PLCXD3: variants seen among roughly 807,000 people sequenced by gnomAD.
PLCXD3 encodes PI-PLC X domain-containing protein 3.
PLCXD3 carries 19 observed loss-of-function variants against 25.5 expected under a neutral mutation model. That is an observed-to-expected ratio of 0.75 (90% CI 0.52 to 1.09). The LOEUF (loss-of-function observed/expected upper bound fraction) is 1.09, where lower values mean the gene tolerates loss of function less well. PLCXD3 is among the 50% of genes least tolerant of loss of function. The probability of loss-of-function intolerance (pLI) is 0.00; values close to 1 mark genes in which losing one functional copy is unlikely to be tolerated. For synonymous variants in PLCXD3, 174 were observed against 137.6 expected (o/e 1.26, Z -1.85); for missense variants, 411 against 388.1 (o/e 1.06, Z -0.50).
In PLCXD3 at chr5:41,499,242, T is replaced by TA. The variant is rs201570501; in HGVS notation, c.103+11181dup. Among the ~76,000 whole-genome samples, 125 of 151,704 alleles carry TA rather than the reference T, an allele frequency of 8.2e-4. 2 individuals carry two copies. In the East Asian group the frequency reaches 0.016, roughly 20 times the overall value. ...ATCTCTGTAGATAACATTTTATATG[T>TA]AAAAAACTAGATTCCAATAAATAAA... On this transcript the variant is annotated intron_variant, in intron 1 of 2. Transcript: ENST00000377801.
intron 1 of PLCXD3, among the ~76,000 whole-genome samples, chr5:41,441,198 A>T (rs1171417396): frequency 6.6e-6 from 1 of 152,250 alleles, no homozygotes; most frequent in Admixed American, 6.5e-5. Context: ...CTGAAAATAC[A>T]GTCTTAAGAA....
At chr5:41,399,177 G>T (rs1246628777) in intron 1 of PLCXD3, among the ~76,000 whole-genome samples, 7 of 152,068 alleles carry the variant, frequency 4.6e-5, no homozygotes, top group African/African-American at 1.7e-4. Flanking sequence ...ACTATAAACT[G>T]ATGAAAGAAA....
At chr5:41,338,388 G>A (rs933187316) in intron 2 of PLCXD3, among the ~76,000 whole-genome samples, 1 of 151,842 alleles carries the variant, frequency 6.6e-6, no homozygotes, top group Non-Finnish European at 1.5e-5. Context: ...TTTTTAAGTT[G>A]GGAAACAAAT....
intron 2 of PLCXD3, among the ~76,000 whole-genome samples, chr5:41,335,634 T>C (rs908308125): frequency 3.2e-4 from 48 of 152,238 alleles, no homozygotes; most frequent in African/African-American, 1.0e-3. Context: ...AATAGGTCCT[T>C]GATGGTGAGA....
At chr5:41,450,789 AACCCCATT>A (rs1205363985) in intron 1 of PLCXD3, among the ~76,000 whole-genome samples, 1 of 152,124 alleles carries the variant, frequency 6.6e-6, no homozygotes, top group Non-Finnish European at 1.5e-5. Flanking sequence ...GGGGTCACAC[AACCCCATT>A]CTCTCCTCTA....
chr5:41,492,630 G>A (rs542764207), intron 1 of PLCXD3, among the ~76,000 whole-genome samples: 356 of 152,172 alleles, frequency 2.3e-3, no homozygotes, highest in African/African-American at 7.9e-3. Flanking sequence ...GGCTTTGTTC[G>A]TTTCTTTTTA....
rs188034247 is a variant in PLCXD3, at chr5:41,408,473, G to A, written c.104-25939C>T. Reference sequence around the variant, plus strand: ...TCTGATCTGAGTTGTGATTATATGAGGACATTCTAAGTTTTGGGAGATGTC... The same window carrying A: ...TCTGATCTGAGTTGTGATTATATGAAGACATTCTAAGTTTTGGGAGATGTC... On this transcript the variant is annotated intron_variant, in intron 1 of 2. Transcript: ENST00000377801. Among the ~76,000 whole-genome samples the A allele has an allele frequency of 1.8e-3, 279 of 152,218 alleles. 1 individual carries two copies. The highest frequency in any genetic ancestry group is 1.6e-3 in the Non-Finnish European group (106 of 68,000).
intron 1 of PLCXD3, among the ~76,000 whole-genome samples, chr5:41,473,736 G>A (rs915668954): frequency 4.6e-5 from 7 of 152,094 alleles, no homozygotes; most frequent in Non-Finnish European, 8.8e-5. Flanking sequence ...GATCACAGGC[G>A]TGAGCCACCA....
intron 1 of PLCXD3, among the ~76,000 whole-genome samples, chr5:41,452,272 T>G (rs1451364596): frequency 6.6e-6 from 1 of 152,058 alleles, no homozygotes; most frequent in East Asian, 1.9e-4. Flanking sequence ...AGAACCTTAC[T>G]GAATACTAAG....
Position 41,319,496 on chromosome 5 carries a change from C to T in PLCXD3, c.813-5726G>A, listed in dbSNP as rs150506472. Reference sequence around the variant, plus strand: ...ACAACTACATGGAAATTAAACAGTACGCTCCTGAATGACCAGTGGGTCAAT... The same window carrying T: ...ACAACTACATGGAAATTAAACAGTATGCTCCTGAATGACCAGTGGGTCAAT... On this transcript the variant is annotated intron_variant, in intron 2 of 2. Coordinates refer to ENST00000377801, the MANE Select transcript of PLCXD3 (RefSeq NM_001005473.3). Among the ~76,000 whole-genome samples, 281 of 152,106 alleles carry T rather than the reference C, an allele frequency of 1.8e-3. 2 individuals carry two copies. Among genetic ancestry groups the T allele is most frequent in the Middle Eastern group, 3.4e-3 (1 of 294 alleles).
chr5:41,466,101 A>G (rs939761385), intron 1 of PLCXD3, among the ~76,000 whole-genome samples: 1 of 152,134 alleles, frequency 6.6e-6, no homozygotes, highest in Non-Finnish European at 1.5e-5. Flanking sequence ...CTCTTTTCCA[A>G]TCTCCTGAAG....
intron 2 of PLCXD3, among the ~76,000 whole-genome samples, chr5:41,340,952 T>A (rs1744123469): frequency 6.6e-6 from 1 of 152,156 alleles, no homozygotes; most frequent in Admixed American, 6.6e-5. Context: ...GAAAAAGTTT[T>A]GGTATTAAAA....
At chr5:41,358,054 A>G (rs2329671) in intron 2 of PLCXD3, among the ~76,000 whole-genome samples, 24,662 of 152,202 alleles carry the variant, frequency 0.16, 3,293 homozygotes, top group East Asian at 0.36. Flanking sequence ...ACAAAAATAT[A>G]TTGTTAATGA....
At chr5:41,345,693 C>G (rs922269503) in intron 2 of PLCXD3, among the ~76,000 whole-genome samples, 9 of 146,848 alleles carry the variant, frequency 6.1e-5, no homozygotes, top group African/African-American at 2.4e-4. Context: ...TACACACACA[C>G]ACACACACAC....
chr5:41,350,205 A>G (rs1744413675), intron 2 of PLCXD3, among the ~76,000 whole-genome samples: 1 of 151,982 alleles, frequency 6.6e-6, no homozygotes, highest in South Asian at 2.1e-4. Context: ...CAGTTGTTTC[A>G]TTTTTTAAAT....
intron 2 of PLCXD3, among the ~76,000 whole-genome samples, chr5:41,381,131 A>G (rs1424353948): frequency 6.6e-6 from 1 of 152,180 alleles, no homozygotes; most frequent in Non-Finnish European, 1.5e-5. Flanking sequence ...CTGTAAGACA[A>G]TATCTACTTC....
chr5:41,429,710 A>G (rs1165807346), intron 1 of PLCXD3, among the ~76,000 whole-genome samples: 1 of 152,154 alleles, frequency 6.6e-6, no homozygotes, highest in Non-Finnish European at 1.5e-5. Flanking sequence ...ATATAGAAAT[A>G]TGATAAGGAG....
intron 1 of PLCXD3, among the ~76,000 whole-genome samples, chr5:41,505,164 T>C (rs187601664): frequency 6.6e-6 from 1 of 152,320 alleles, no homozygotes; most frequent in Non-Finnish European, 1.5e-5. Context: ...CTTATGGGCC[T>C]TAACGTATGA....
chr5:41,316,680 G>A (rs1026955681), intron 2 of PLCXD3, among the ~76,000 whole-genome samples: 1 of 152,162 alleles, frequency 6.6e-6, no homozygotes, highest in African/African-American at 2.4e-5. Flanking sequence ...GCAGACTTAA[G>A]AGATCTTGGA....
Sources: allele counts gnomAD v4.1 joint callset (sites outside exome capture counted in the v4.1 genomes callset), GRCh38; gene constraint gnomAD v4.1.1; transcripts MANE v1.5; gene names NCBI Gene and HGNC (gene_info 2026-07-23, HGNC 2026-07-21).